Variants in IQCF1 observed in about 807,000 individuals in gnomAD.
IQCF1 encodes the protein IQ motif containing F1, also known as IQ domain-containing protein F1.
IQCF1 carries 9 observed loss-of-function variants against 12.5 expected under a neutral mutation model. That is an observed-to-expected ratio of 0.72 (90% CI 0.43 to 1.26). The LOEUF is 1.26. Among genes scored for constraint, IQCF1 ranks in the 50% most tolerant of loss-of-function variants. The pLI, the probability that IQCF1 is intolerant of heterozygous loss-of-function variation, is 0.00. For synonymous variants in IQCF1, 67 were observed against 96.2 expected (o/e 0.70, Z 1.78); for missense variants, 252 against 257.4 (o/e 0.98, Z 0.14).
rs776172905 is a variant in IQCF1 at position 51,903,124 on chromosome 3, G to T, written c.4-35C>A. The stretch of plus-strand genomic sequence containing the variant: ...GCATTAGGGGAAAGGCAAGAGTGAG[G>T]CTGCGGTCCCTCCCTCTCCATTCAA... On this transcript the variant is annotated intron_variant, in intron 1 of 3. Transcript: ENST00000310914. 3 of 1,605,128 alleles carry T rather than the reference G, an allele frequency of 1.9e-6. No individual in the cohort carries two copies. In the South Asian group the frequency reaches 3.3e-5, roughly 18 times the overall value.
Position 51,895,140 on chromosome 3 carries a change from C to T in IQCF1, c.368G>A (p.Arg123Gln), listed in dbSNP as rs146704652. 126 of 1,614,098 alleles carry T rather than the reference C, an allele frequency of 7.8e-5. No individual in the cohort carries two copies. Among genetic ancestry groups the T allele is most frequent in the Non-Finnish European group, 9.9e-5 (117 of 1,180,054 alleles). The stretch of plus-strand genomic sequence containing the variant: ...CAGTGTGACTGCTGCCCACTCCTTC[C>T]GGGAGAAGGCCTCTAGCGCTGCCTG... ...RRQAALEAFS[R>Q]KEWAAVTLQS... Residue 123 changes from arginine to glutamine, a missense_variant, in exon 4 of 4, where the codon CGG (arginine) becomes CAG (glutamine). Coordinates refer to ENST00000310914, the MANE Select transcript of IQCF1 (RefSeq NM_152397.3). The surrounding 1 kb of genome is among the most constrained non-coding windows in gnomAD (Gnocchi z 4.8).
intron 2 of IQCF1, among the ~76,000 whole-genome samples, chr3:51,901,527 G>A (rs979443111): frequency 6.6e-6 from 1 of 152,150 alleles, no homozygotes; most frequent in African/African-American, 2.4e-5. Flanking sequence ...TTTACTGGAC[G>A]CTCTGATGAA....
chr3:51,897,635 T>G (rs1010564988), intron 2 of IQCF1, among the ~76,000 whole-genome samples: 1 of 152,174 alleles, frequency 6.6e-6, no homozygotes, highest in Admixed American at 6.5e-5. Context: ...GATCCTCACA[T>G]ACTGCGGCAA....
intron 2 of IQCF1, among the ~76,000 whole-genome samples, chr3:51,899,378 A>G (rs1282500408): frequency 6.6e-6 from 1 of 152,222 alleles, no homozygotes. Flanking sequence ...AATTTATGCA[A>G]GAAGTGTTGT....
chr3:51,899,199 A>G (rs1489048925), intron 2 of IQCF1, among the ~76,000 whole-genome samples: 1 of 152,092 alleles, frequency 6.6e-6, no homozygotes, highest in African/African-American at 2.4e-5. Flanking sequence ...CGAGGAAAAA[A>G]AAGGGGGTGG....
intron 2 of IQCF1, among the ~76,000 whole-genome samples, chr3:51,898,672 C>T (rs1038054994): frequency 1.3e-5 from 2 of 151,542 alleles, no homozygotes; most frequent in Non-Finnish European, 2.9e-5. Context: ...AAGTATGAGG[C>T]TATTCTGTTA....
rs114315488 is a variant in IQCF1 at position 51,902,137 on chromosome 3, C to T, written c.108+848G>A. Among the ~76,000 whole-genome samples the T allele has an allele frequency of 5.0e-3, 759 of 152,320 alleles. 5 individuals carry two copies. Among genetic ancestry groups the T allele is most frequent in the African/African-American group, 0.017 (712 of 41,558 alleles). On this transcript the variant is annotated intron_variant, in intron 2 of 3. Coordinates refer to ENST00000310914, the MANE Select transcript of IQCF1 (RefSeq NM_152397.3). ...AAAAGAATTATAGCCTCAATTCTCA[C>T]TTCCCTGGCAGCCGCAATGGGTGTA...
rs202183635 is a variant in IQCF1, at chr3:51,894,938, T to C, written c.570A>G (p.Ser190=). ...TACACTCTGTCACAATGCAAGGCCC[T>C]GAGTCCAGCAAGATCTCCAGCTGGA... ...LHLQLEILLD[S]GPCIVTECIP... is the part of the protein sequence containing the mutation. Residue 190 remains serine (S), a synonymous_variant, in exon 4 of 4, where the codon TCA becomes TCG. Coordinates refer to ENST00000310914, the MANE Select transcript of IQCF1 (RefSeq NM_152397.3). 188 of 1,614,076 alleles carry C rather than the reference T, an allele frequency of 1.2e-4. No homozygotes were observed. The highest frequency in any genetic ancestry group is 3.5e-4 in the Admixed American group (21 of 60,008).
At chr3:51,901,092 T>A (rs1699070513) in intron 2 of IQCF1, among the ~76,000 whole-genome samples, 1 of 152,186 alleles carries the variant, frequency 6.6e-6, no homozygotes, top group African/African-American at 2.4e-5. Flanking sequence ...AAGATGCAAA[T>A]GTCTGGTTGG....
Position 51,903,344 on chromosome 3 carries a change from C to T in IQCF1, c.-72G>A. On this transcript the variant is annotated 5_prime_UTR_variant, in exon 1 of 4. Transcript: ENST00000310914. The stretch of plus-strand genomic sequence containing the variant: ...TGTGTTCATCCAGCCATAGCATAGG[C>T]AGGAAGGGTGGAGGAAGAAAGGCCT... 3 of 1,562,260 alleles carry T rather than the reference C, an allele frequency of 1.9e-6. No individual in the cohort carries two copies. Among genetic ancestry groups the T allele is most frequent in the Non-Finnish European group, 2.6e-6 (3 of 1,132,784 alleles).
In IQCF1 at chr3:51,900,431, A is replaced by G. The variant is rs1699062075; in HGVS notation, c.108+2554T>C. ...TCTAGTTATTAACATAACCAAGTCAATTTCACTTCAAACTATTGCATTTGA... is the reference window on the plus strand; with the variant it reads ...TCTAGTTATTAACATAACCAAGTCAGTTTCACTTCAAACTATTGCATTTGA... On this transcript the variant is annotated intron_variant, in intron 2 of 3. Transcript: ENST00000310914. The surrounding 1 kb of genome is among the most constrained non-coding windows in gnomAD (Gnocchi z 4.2). Among the ~76,000 whole-genome samples the G allele has an allele frequency of 6.6e-6, 1 of 152,324 alleles. No individual in the cohort carries two copies. The highest frequency in any genetic ancestry group is 1.9e-4 in the East Asian group (1 of 5,188).
Position 51,896,911 on chromosome 3 carries a change from G to T in IQCF1, c.109-17C>A. On this transcript the variant is annotated splice_polypyrimidine_tract_variant and intron_variant, in intron 2 of 3. Transcript: ENST00000310914. ...AGTTTTAGCCTGAAAAGGAAATGGG[G>T]AAAGAGAACAGACAAGATTGAGTTG... The T allele has an allele frequency of 6.3e-7, 1 of 1,597,110 alleles. No homozygotes were observed. Among genetic ancestry groups the T allele is most frequent in the South Asian group, 1.1e-5 (1 of 90,734 alleles).
intron 1 of IQCF1, 60 bp from the exon 2 acceptor site, chr3:51,903,149 A>C: frequency 6.3e-7 from 1 of 1,591,690 alleles, no homozygotes; most frequent in Non-Finnish European, 8.6e-7. Context: ...TCTCCATTCA[A>C]TATGGCACAC....
rs975425064 is a variant in IQCF1 at position 51,895,052 on chromosome 3, G to T, written c.456C>A (p.Arg152=). 6 of 1,614,214 alleles carry T rather than the reference G, an allele frequency of 3.7e-6. No homozygotes were observed. The highest frequency in any genetic ancestry group is 5.1e-6 in the Non-Finnish European group (6 of 1,180,024). The stretch of plus-strand genomic sequence containing the variant: ...GGCACCTCCAGTAAGCCTGGATGAT[G>T]CGAACAGCATTGAGCACCTGGCAAT... The part of the protein sequence containing the change: ...RRYCQVLNAV[R]IIQAYWRCRS... Residue 152 remains arginine, a synonymous_variant, in exon 4 of 4, where the codon CGC becomes CGA. Coordinates refer to ENST00000310914, the MANE Select transcript of IQCF1 (RefSeq NM_152397.3). This position sits in a 1 kb window ranked among gnomAD's most constrained non-coding sequence, Gnocchi z 4.8.
At chr3:51,896,763 G>T in intron 3 of IQCF1, 69 bp downstream of exon 3, 1 of 1,185,164 alleles carries the variant, frequency 8.4e-7, no homozygotes, top group Non-Finnish European at 1.3e-6. Flanking sequence ...CCATATCATG[G>T]TCATTCCATT....
At position 51,899,574 on chromosome 3, in the gene IQCF1, G is replaced by A. The variant is rs1467634345; in HGVS notation, c.109-2680C>T. 2.6e-5 allele frequency among the ~76,000 whole-genome samples: 4 copies of A among 152,162 alleles called. No homozygotes were observed. The East Asian group carries it at 7.7e-4, about 29-fold the overall frequency. ...TGTTTTAAAGGTTTAAGCAAGTTTT[G>A]AAACATTAATTGTAAAGGAAGTTCT... On this transcript the variant is annotated intron_variant, in intron 2 of 3. Transcript: ENST00000310914.
At chr3:51,896,540 A>G (rs1699005017) in intron 3 of IQCF1, among the ~76,000 whole-genome samples, 1 of 152,010 alleles carries the variant, frequency 6.6e-6, no homozygotes, top group Non-Finnish European at 1.5e-5. Flanking sequence ...GCAGAGTTCA[A>G]CTCTTTTTTC....
At chr3:51,899,191 A>T (rs572346831) in intron 2 of IQCF1, among the ~76,000 whole-genome samples, 2 of 152,234 alleles carry the variant, frequency 1.3e-5, no homozygotes, top group Admixed American at 1.3e-4. Flanking sequence ...ATCATCTTCG[A>T]GGAAAAAAAA....
rs1559734507 is a variant in IQCF1, at chr3:51,894,921, G to A, written c.587C>T (p.Thr196Ile). The A allele has an allele frequency of 2.5e-6, 4 of 1,614,130 alleles. No individual in the cohort carries two copies. The Admixed American group carries it at 5.0e-5, about 20-fold the overall frequency. The change falls in exon 4 of 4, where the codon ACA becomes ATA. Residue 196 changes from threonine (T) to isoleucine (I), a missense_variant. By Grantham distance (89) the Thr-to-Ile change is moderately conservative (BLOSUM62 -1). Transcript: ENST00000310914. ...ILLDSGPCIV[T>I]ECIPFSIKE is the part of the protein sequence containing the mutation. ...CTTTATTGAGAAGGGAATACACTCT[G>A]TCACAATGCAAGGCCCTGAGTCCAG...
Sources: gnomAD v4.1 joint callset for allele counts (sites outside exome capture counted in the v4.1 genomes callset) on GRCh38, gnomAD v4.1.1 for gene constraint, Gnocchi (gnomAD v3.1) non-coding constraint, MANE v1.5 for transcripts, NCBI Gene and HGNC (gene_info 2026-07-23, HGNC 2026-07-21) for gene names.